PLD5: variants seen among roughly 807,000 people sequenced by gnomAD.
PLD5 encodes phospholipase D family member 5.
In PLD5, 36 loss-of-function variants were observed where a neutral mutation model predicts 61.1. That is an observed-to-expected ratio of 0.59 (90% CI 0.45 to 0.78). The LOEUF is 0.78. Among genes scored for constraint, PLD5 ranks in the 30% least tolerant of loss-of-function variants. The pLI is 0.00. For synonymous variants in PLD5, 243 were observed against 242.8 expected, an observed-to-expected ratio of 1.00 and a Z score of -0.01; for missense variants, 515 against 644.4, an observed-to-expected ratio of 0.80 and a Z score of 2.17.
chr1:242,224,383 A>G (rs946732973), intron 4 of PLD5, among the ~76,000 whole-genome samples: 2 of 152,192 alleles, frequency 1.3e-5, no homozygotes, highest in Non-Finnish European at 2.9e-5. Context: ...TTTTAAAAAT[A>G]TATAGAATGC....
At chr1:242,462,306 T>C (rs1315237128) in intron 1 of PLD5, among the ~76,000 whole-genome samples, 2 of 151,914 alleles carry the variant, frequency 1.3e-5, no homozygotes, top group East Asian at 3.9e-4. Flanking sequence ...TATGCAACCA[T>C]AAAAAAGAAT....
chr1:242,508,006 T>TTC lies in PLD5; in HGVS notation c.189+16081_189+16082insGA, dbSNP rs1553270623. Among the ~76,000 whole-genome samples the TTC allele has an allele frequency of 3.2e-3, 460 of 145,922 alleles. 3 individuals carry two copies. The highest frequency in any genetic ancestry group is 0.011 in the African/African-American group (441 of 39,176). On this transcript the variant is annotated intron_variant, in intron 1 of 9. Transcript: ENST00000536534. Reference sequence around the variant, plus strand: ...ACTTTTTTAATCTGTTTTTTTTTTTTCCAATGCCGACCAGCAATTCTATTC... The same window carrying TTC: ...ACTTTTTTAATCTGTTTTTTTTTTTTTCCCAATGCCGACCAGCAATTCTATTC...
chr1:242,309,932 C>T (rs1277714345), intron 2 of PLD5, among the ~76,000 whole-genome samples: 1 of 149,760 alleles, frequency 6.7e-6, no homozygotes, highest in Non-Finnish European at 1.5e-5. Flanking sequence ...CACCTTGTCA[C>T]AAGAAAAGGC....
rs761601058 is a variant in PLD5 at position 242,089,326 on chromosome 1, G to C, written c.*528C>G. On this transcript the variant is annotated 3_prime_UTR_variant, in exon 10 of 10. Transcript: ENST00000536534. ...AGAAGAAAATGAGCAAGACAGAAAA[G>C]GATATTTTTCAAGGGTGTTGAAGGC... The C allele has an allele frequency of 1.5e-5, 6 of 399,962 alleles. No individual in the cohort carries two copies. Among genetic ancestry groups the C allele is most frequent in the Non-Finnish European group, 2.6e-5 (6 of 227,114 alleles). The allele number at this position is 399,962 out of a possible 1,614,324, so 24.8% of individuals were successfully genotyped here.
chr1:242,154,515 C>T (rs1033576654), intron 5 of PLD5, among the ~76,000 whole-genome samples: 2 of 152,128 alleles, frequency 1.3e-5, no homozygotes, highest in Non-Finnish European at 2.9e-5. Flanking sequence ...GAGATACTTT[C>T]CGTCAATACC....
Position 242,471,870 on chromosome 1 carries a change from G to C in PLD5, c.189+52218C>G, listed in dbSNP as rs554338554. Among the ~76,000 whole-genome samples, 14 of 152,276 alleles carry C rather than the reference G, an allele frequency of 9.2e-5. No homozygotes were observed. The South Asian group carries it at 2.7e-3, about 29-fold the overall frequency. ...TATGATTTTTCTTCATGTTCCTACT[G>C]TTAGCTATCCCAGTTTATGGAGTAT... On this transcript the variant is annotated intron_variant, in intron 1 of 9. Coordinates refer to ENST00000536534, the MANE Select transcript of PLD5 (RefSeq NM_001372062.1).
intron 1 of PLD5, among the ~76,000 whole-genome samples, chr1:242,387,080 A>G (rs765036791): frequency 6.6e-6 from 1 of 152,322 alleles, no homozygotes; most frequent in Non-Finnish European, 1.5e-5. Flanking sequence ...TAATCATTTT[A>G]CTTCTTTTGA....
At chr1:242,397,987 C>A (rs1663696405) in intron 1 of PLD5, among the ~76,000 whole-genome samples, 1 of 152,150 alleles carries the variant, frequency 6.6e-6, no homozygotes, top group Non-Finnish European at 1.5e-5. Context: ...GTCCCAGTCA[C>A]AGATATAGTT....
intron 3 of PLD5, among the ~76,000 whole-genome samples, chr1:242,270,585 G>T (rs572458862): frequency 6.6e-6 from 1 of 152,170 alleles, no homozygotes; most frequent in African/African-American, 2.4e-5. Context: ...TCCCAGCTAC[G>T]GTCTAATAGA....
intron 4 of PLD5, among the ~76,000 whole-genome samples, chr1:242,237,955 C>T (rs970774820): frequency 6.6e-6 from 1 of 152,196 alleles, no homozygotes; most frequent in African/African-American, 2.4e-5. Context: ...CACACATTCT[C>T]CGATGTGTCT....
At chr1:242,100,138 C>T (rs973692017) in intron 9 of PLD5, among the ~76,000 whole-genome samples, 46 of 152,194 alleles carry the variant, frequency 3.0e-4, no homozygotes, top group Non-Finnish European at 4.0e-4. Context: ...GAAGTAGTTA[C>T]TATTATTAAC....
At chr1:242,132,360 G>A (rs1003107784) in intron 5 of PLD5, among the ~76,000 whole-genome samples, 3 of 152,126 alleles carry the variant, frequency 2.0e-5, no homozygotes, top group Non-Finnish European at 4.4e-5. Context: ...GTTCTTTGCT[G>A]TAATTCAGAA....
At chr1:242,241,791 T>TTTTA (rs1672023738) in intron 4 of PLD5, among the ~76,000 whole-genome samples, 2 of 148,366 alleles carry the variant, frequency 1.3e-5, no homozygotes, top group Admixed American at 6.8e-5. Flanking sequence ...TTTACTTATT[T>TTTTA]CTATTTGCCT....
intron 1 of PLD5, among the ~76,000 whole-genome samples, chr1:242,496,964 C>T (rs1240308007): frequency 1.3e-5 from 2 of 152,202 alleles, no homozygotes; most frequent in South Asian, 2.1e-4. Flanking sequence ...CTTCCTCCAT[C>T]CTCTGGCTGA....
At chr1:242,126,473 A>T (rs1040776688) in intron 5 of PLD5, among the ~76,000 whole-genome samples, 1 of 152,264 alleles carries the variant, frequency 6.6e-6, no homozygotes, top group Non-Finnish European at 1.5e-5. Context: ...GCATAGCCCA[A>T]TGGAACAGAA....
chr1:242,474,243 C>G (rs892961564), intron 1 of PLD5, among the ~76,000 whole-genome samples: 6 of 152,212 alleles, frequency 3.9e-5, no homozygotes, highest in African/African-American at 1.4e-4. Flanking sequence ...TCAAGTGCCA[C>G]TGGCCATCCT....
At chr1:242,090,173 A>G (rs1558207279) in intron 9 of PLD5, 63 bp from the exon 10 acceptor site, 1 of 1,572,882 alleles carries the variant, frequency 6.4e-7, no homozygotes, top group Non-Finnish European at 8.7e-7. Flanking sequence ...ACCCAATATA[A>G]TGAAATTCAG....
chr1:242,358,155 T>C (rs1660861656), intron 1 of PLD5, among the ~76,000 whole-genome samples: 1 of 152,198 alleles, frequency 6.6e-6, no homozygotes, highest in Non-Finnish European at 1.5e-5. Flanking sequence ...ACACATTTTA[T>C]TTAATTTTTA....
chr1:242,426,839 G>A (rs540774979), intron 1 of PLD5, among the ~76,000 whole-genome samples: 41 of 152,276 alleles, frequency 2.7e-4, no homozygotes, highest in Non-Finnish European at 4.7e-4. Flanking sequence ...AGCCTTCTGG[G>A]TAGTTATATG....
Sources: gnomAD v4.1 joint callset for allele counts (sites outside exome capture counted in the v4.1 genomes callset) on GRCh38, gnomAD v4.1.1 for gene constraint, MANE v1.5 for transcripts, NCBI Gene and HGNC (gene_info 2026-07-23, HGNC 2026-07-21) for gene names.